SYN2: variants seen among roughly 807,000 people sequenced by gnomAD.
SYN2 encodes the protein synapsin-2.
Under a neutral mutation model 50.9 loss-of-function variants are expected in SYN2, and 19 were observed. That is an observed-to-expected ratio of 0.37 (90% CI 0.26 to 0.55). The LOEUF (loss-of-function observed/expected upper bound fraction) is 0.55. SYN2 is among the 20% of genes least tolerant of loss of function. SYN2 has a pLI of 0.81. For missense variants in SYN2, 587 were observed against 576.4 expected, an observed-to-expected ratio of 1.02 and a Z score of -0.19; for synonymous variants, 255 against 224.9, an observed-to-expected ratio of 1.13 and a Z score of -1.20.
chr3:12,101,438 A>G (rs1240587268), intron 1 of SYN2, among the ~76,000 whole-genome samples: 1 of 152,134 alleles, frequency 6.6e-6, no homozygotes, highest in East Asian at 1.9e-4. Context: ...AGAATAGGCA[A>G]ATTTACAGAG....
intron 5 of SYN2, 49 bp downstream of exon 5, chr3:12,151,375 A>C: frequency 6.8e-7 from 1 of 1,470,608 alleles, no homozygotes; most frequent in Non-Finnish European, 9.4e-7. Context: ...TTCATTTTGC[A>C]CTTAGCCACC....
intron 1 of SYN2, among the ~76,000 whole-genome samples, chr3:12,007,226 C>T (rs952391081): frequency 1.3e-5 from 2 of 152,166 alleles, no homozygotes; most frequent in African/African-American, 4.8e-5. Context: ...TCATAGAAGC[C>T]ACTTTCCCGT....
intron 1 of SYN2, among the ~76,000 whole-genome samples, chr3:12,132,790 T>A (rs1306562097): frequency 6.6e-6 from 1 of 152,214 alleles, no homozygotes; most frequent in Admixed American, 6.5e-5. Flanking sequence ...AGCTTTCTAG[T>A]GATAACTAAC....
chr3:12,050,741 T>TTTTTTTTTG, intron 1 of SYN2, among the ~76,000 whole-genome samples: 1 of 110,408 alleles, frequency 9.1e-6, no homozygotes, highest in Non-Finnish European at 1.8e-5. Flanking sequence ...TTTTTTTTTT[T>TTTTTTTTTG]TTTTTGAGAC....
chr3:12,185,569 T>A, intron 11 of SYN2: 1 of 985,906 alleles, frequency 1.0e-6, no homozygotes, highest in Non-Finnish European at 1.2e-6. Context: ...AGGATTGCCA[T>A]TCAGGTGTTT....
chr3:12,033,409 AC>A (rs1694424123), intron 1 of SYN2, among the ~76,000 whole-genome samples: 1 of 152,208 alleles, frequency 6.6e-6, no homozygotes. Flanking sequence ...TGGGAATGAA[AC>A]AGACTGTGCT....
chr3:12,100,147 A>G (rs1383131336), intron 1 of SYN2, among the ~76,000 whole-genome samples: 1 of 152,132 alleles, frequency 6.6e-6, no homozygotes, highest in Non-Finnish European at 1.5e-5. Flanking sequence ...TAATTTTAAA[A>G]TCATATGGAA....
chr3:12,123,622 A>C (rs761013239), intron 1 of SYN2, among the ~76,000 whole-genome samples: 14 of 152,080 alleles, frequency 9.2e-5, no homozygotes, highest in Non-Finnish European at 1.9e-4. Context: ...ACACAAACAC[A>C]CACACACACG....
intron 1 of SYN2, among the ~76,000 whole-genome samples, chr3:12,029,158 C>G (rs1694327043): frequency 1.9e-5 from 2 of 103,268 alleles, no homozygotes; most frequent in Admixed American, 1.0e-4. Flanking sequence ...GCTTGTTTTT[C>G]TCAGGTTTGT....
intron 1 of SYN2, among the ~76,000 whole-genome samples, chr3:12,067,785 C>CA (rs1379056475): frequency 6.6e-6 from 1 of 152,170 alleles, no homozygotes; most frequent in East Asian, 1.9e-4. Context: ...TCAGGCCAGG[C>CA]ACGGTGGGCC....
intron 1 of SYN2, among the ~76,000 whole-genome samples, chr3:12,023,176 C>G (rs1318502586): frequency 2.0e-5 from 3 of 151,708 alleles, no homozygotes; most frequent in Admixed American, 6.6e-5. Flanking sequence ...TGAAAGTGCT[C>G]TGTAAATTCA....
chr3:12,045,558 T>C (rs1246752980), intron 1 of SYN2, among the ~76,000 whole-genome samples: 2 of 151,994 alleles, frequency 1.3e-5, no homozygotes, highest in Non-Finnish European at 2.9e-5. Context: ...CTATCACTAA[T>C]AACAATCATT....
rs751788736 is a variant in SYN2 at position 12,158,800 on chromosome 3, A to G, written c.775-2746A>G. On this transcript the variant is annotated intron_variant, in intron 5 of 12. Transcript: ENST00000621198. ...CCGCAGCAACGCCAGCAGCCGCAGC[A>G]ACAGCACCCAGCTTGGCGCGGGCCG... 4 of 1,602,438 alleles carry G rather than the reference A, an allele frequency of 2.5e-6. No individual in the cohort carries two copies. The Admixed American group carries it at 6.7e-5, about 27-fold the overall frequency.
intron 1 of SYN2, among the ~76,000 whole-genome samples, chr3:12,112,590 A>G (rs1246125261): frequency 1.3e-5 from 2 of 152,208 alleles, no homozygotes; most frequent in African/African-American, 4.8e-5. Context: ...AATATTGCAC[A>G]TAATTCTCTA....
intron 1 of SYN2, among the ~76,000 whole-genome samples, chr3:12,069,210 G>A (rs1695285339): frequency 2.0e-5 from 3 of 151,216 alleles, no homozygotes; most frequent in Middle Eastern, 3.5e-3. Flanking sequence ...TATGAATAAC[G>A]CTGCCATGAA....
At chr3:12,081,052 A>G (rs1370405984) in intron 1 of SYN2, among the ~76,000 whole-genome samples, 1 of 152,198 alleles carries the variant, frequency 6.6e-6, no homozygotes, top group Non-Finnish European at 1.5e-5. Context: ...AGAGGATTTT[A>G]TCACATCTGA....
At chr3:12,083,294 G>A (rs988567950) in intron 1 of SYN2, among the ~76,000 whole-genome samples, 1 of 152,340 alleles carries the variant, frequency 6.6e-6, no homozygotes, top group Non-Finnish European at 1.5e-5. Flanking sequence ...TTACAGGCGT[G>A]AGCCACTGCG....
intron 1 of SYN2, among the ~76,000 whole-genome samples, chr3:12,125,844 A>G (rs1308178823): frequency 4.5e-4 from 7 of 15,444 alleles, no homozygotes; most frequent in Admixed American, 2.2e-3. Flanking sequence ...CTAAAAGTGA[A>G]AAAAAAAAAA....
intron 1 of SYN2, among the ~76,000 whole-genome samples, chr3:12,058,345 G>A (rs998920408): frequency 1.2e-4 from 18 of 152,142 alleles, no homozygotes; most frequent in African/African-American, 4.3e-4. Flanking sequence ...CTATTATGCT[G>A]TGTGTATATA....
Sources: allele counts gnomAD v4.1 joint callset (sites outside exome capture counted in the v4.1 genomes callset), GRCh38; gene constraint gnomAD v4.1.1; transcripts MANE v1.5; gene names NCBI Gene and HGNC (gene_info 2026-07-23, HGNC 2026-07-21).